STRADA: variants seen among roughly 807,000 people sequenced by gnomAD.
STRADA encodes the protein STE20-related kinase adapter protein alpha.
Under a neutral mutation model 55.0 loss-of-function variants are expected in STRADA, and 26 were observed. The observed-to-expected ratio is 0.47, with a 90% CI of 0.35 to 0.66. The LOEUF is 0.66. Among genes scored for constraint, STRADA ranks in the 30% least tolerant of loss-of-function variants. STRADA has a pLI of 0.01. For missense variants in STRADA, 443 were observed against 549.7 expected, an observed-to-expected ratio of 0.81 and a Z score of 1.94; for synonymous variants, 197 against 210.9, an observed-to-expected ratio of 0.93 and a Z score of 0.57.
chr17:63,720,108 A>AACTC (rs2037191485), intron 4 of STRADA, among the ~76,000 whole-genome samples: 1 of 151,406 alleles, frequency 6.6e-6, no homozygotes, highest in Admixed American at 6.6e-5. Context: ...TACAGCCTCG[A>AACTC]ACTCCAGGGC....
chr17:63,733,274 A>T (rs2038196102), intron 1 of STRADA, among the ~76,000 whole-genome samples: 1 of 152,224 alleles, frequency 6.6e-6, no homozygotes, highest in Admixed American at 6.5e-5. Flanking sequence ...CTCAATGTTC[A>T]CTACTAAATG....
chr17:63,704,232 C>T (rs2035913808), intron 11 of STRADA, 109 bp downstream of exon 11: 1 of 1,549,096 alleles, frequency 6.5e-7, no homozygotes, highest in East Asian at 2.4e-5. Flanking sequence ...GTGTGTAGCT[C>T]CAGATTCCCC....
intron 5 of STRADA, 47 bp downstream of exon 5, chr17:63,713,959 G>T: frequency 6.6e-7 from 1 of 1,507,770 alleles, no homozygotes. Flanking sequence ...AGCTGCAGCA[G>T]CCCCTGGAGC....
intron 4 of STRADA, among the ~76,000 whole-genome samples, chr17:63,721,446 C>T (rs964395279): frequency 4.8e-5 from 7 of 145,396 alleles, no homozygotes; most frequent in African/African-American, 7.6e-5. Flanking sequence ...TGACTGGGCA[C>T]GGTGGCTCAC....
intron 4 of STRADA, among the ~76,000 whole-genome samples, chr17:63,722,617 G>A (rs1372074129): frequency 2.6e-5 from 4 of 152,216 alleles, no homozygotes; most frequent in Admixed American, 6.5e-5. Flanking sequence ...TGCAGAAGCT[G>A]CAAATGTCTG....
At position 63,710,051 on chromosome 17, in the gene STRADA, T is replaced by C. The variant is rs535612926; in HGVS notation, c.581+440A>G. On this transcript the variant is annotated intron_variant, in intron 8 of 12. Coordinates refer to ENST00000336174, the MANE Select transcript of STRADA (RefSeq NM_001003787.4). The stretch of plus-strand genomic sequence containing the variant: ...TTCTCTCTTTTTTTTTTTTTTTTTT[T>C]CAGACAAGAGTCTCACTCTGCCACC... Among the ~76,000 whole-genome samples, 21 of 149,690 alleles carry C rather than the reference T, an allele frequency of 1.4e-4. No individual in the cohort carries two copies. In the South Asian group the frequency reaches 3.2e-3, roughly 23 times the overall value.
chr17:63,705,097 C>T (rs928582272), intron 10 of STRADA: 14 of 638,558 alleles, frequency 2.2e-5, no homozygotes, highest in East Asian at 2.2e-4. Context: ...AGTACCCCAA[C>T]TCAACACATA....
chr17:63,726,664 C>T lies in STRADA; in HGVS notation c.68G>A (p.Gly23Asp). 1.9e-6 allele frequency: 3 copies of T among 1,614,020 alleles called. No homozygotes were observed. Among genetic ancestry groups the T allele is most frequent in the Middle Eastern group, 1.7e-4 (1 of 6,060 alleles). The change falls in exon 3 of 13, where the codon GGC becomes GAC. Residue 23 changes from glycine to aspartate, a missense_variant. Gly to Asp is a moderately conservative substitution (Grantham distance 94). Transcript: ENST00000336174. ...RWVSEKFIVE[G>D]LRDLELFGEQ... ...TCCAAATAGTTCCAAATCTCTTAAG[C>T]CCTCAACAATGAACTTTTCCGAGAC...
chr17:63,707,145 C>A (rs1052373957), intron 9 of STRADA, 102 bp downstream of exon 9: 4 of 1,467,286 alleles, frequency 2.7e-6, no homozygotes, highest in Non-Finnish European at 3.7e-6. Context: ...AACCCCTTTA[C>A]CCCACTGGGA....
intron 1 of STRADA, among the ~76,000 whole-genome samples, chr17:63,735,866 AGCCCCTG>A (rs2038383362): frequency 6.6e-6 from 1 of 152,214 alleles, no homozygotes; most frequent in South Asian, 2.1e-4. Context: ...GCTGAAAACA[AGCCCCTG>A]GCGTAACTGC....
Position 63,710,522 on chromosome 17 carries a change from C to T in STRADA, c.550G>A (p.Asp184Asn), listed in dbSNP as rs200492727. Residue 184 changes from aspartate (D) to asparagine (N), a missense_variant, in exon 8 of 13, where the codon GAC becomes AAC. Physicochemically the swap from Asp to Asn is conservative, Grantham distance 23. Coordinates refer to ENST00000336174, the MANE Select transcript of STRADA (RefSeq NM_001003787.4). The part of the protein sequence containing the change: ...YILQGVLKAL[D>N]YIHHMGYVHR... The stretch of plus-strand genomic sequence containing the variant: ...ACATATCCCATGTGGTGGATGTAGT[C>T]GAGGGCCTTCAGCACCCCCTGCAGG... The T allele has an allele frequency of 4.3e-6, 7 of 1,613,768 alleles. No homozygotes were observed. Among genetic ancestry groups the T allele is most frequent in the African/African-American group, 1.3e-5 (1 of 74,898 alleles).
chr17:63,741,945 A>AG (rs1259498867), upstream of STRADA: 3 of 152,266 alleles, frequency 2.0e-5, no homozygotes, highest in East Asian at 5.8e-4. Context: ...CGGCTGCGGC[A>AG]GGCCCTAGCA....
chr17:63,707,897 AT>A (rs58463647), intron 8 of STRADA, among the ~76,000 whole-genome samples: 373 of 144,684 alleles, frequency 2.6e-3, no homozygotes, highest in Middle Eastern at 7.0e-3. Context: ...CGCCCGGCTA[AT>A]TTTTTTTTTT....
Position 63,710,494 on chromosome 17 carries a change from T to C in STRADA, c.578A>G (p.His193Arg). 1 of 1,613,594 alleles carries C rather than the reference T, an allele frequency of 6.2e-7. No homozygotes were observed. Among genetic ancestry groups the C allele is most frequent in the Non-Finnish European group, 8.5e-7 (1 of 1,179,868 alleles). Residue 193 changes from histidine (H) to arginine (R), a missense_variant, in exon 8 of 13, where the codon CAC becomes CGC. By Grantham distance (29) the His-to-Arg change is conservative. Transcript: ENST00000336174. The part of the protein sequence containing the change: ...LDYIHHMGYV[H>R]RSVKASHILI... ...GAAAGGCCGCCTAAGAACGCACCTG[T>C]GTACATATCCCATGTGGTGGATGTA...
At chr17:63,738,039 G>A (rs568263289) in intron 1 of STRADA, among the ~76,000 whole-genome samples, 3 of 150,820 alleles carry the variant, frequency 2.0e-5, no homozygotes, top group African/African-American at 4.9e-5. Context: ...GAAAAGAAAC[G>A]AAAAGAAAAA....
intron 1 of STRADA, among the ~76,000 whole-genome samples, chr17:63,730,739 T>G (rs577014486): frequency 6.6e-6 from 1 of 152,098 alleles, no homozygotes; most frequent in South Asian, 2.1e-4. Flanking sequence ...TTTTGTATTT[T>G]TAGTAGAGAC....
chr17:63,736,837 CG>C (rs113127449), intron 1 of STRADA, among the ~76,000 whole-genome samples: 34,122 of 103,754 alleles, frequency 0.33, 5,879 homozygotes, highest in African/African-American at 0.6. Flanking sequence ...CTTCCCCCCA[CG>C]CCCCCCCCAC....
chr17:63,741,445 GT>G lies in STRADA; in HGVS notation c.-45+295del, dbSNP rs1348941500. ...AGGACAAACCGGCACCCAGCCCTAG[GT>G]TCCCCACCTGGAAGTCCTAGGGGGT... On this transcript the variant is annotated intron_variant, in intron 1 of 12. Transcript: ENST00000336174. 3 of 152,372 alleles carry G rather than the reference GT, an allele frequency of 2.0e-5. No individual in the cohort carries two copies. In the East Asian group the frequency reaches 5.8e-4, roughly 29 times the overall value. The allele number at this position is 152,372 out of a possible 1,614,324, so 9.4% of individuals were successfully genotyped here.
rs2036689438 is a variant in STRADA at position 63,714,087 on chromosome 17, A to C, written c.145T>G (p.Ser49Ala). The change falls in exon 5 of 13, where the codon TCA (serine) becomes GCA (alanine). Residue 49 changes from serine (S) to alanine (A), a missense_variant. Transcript: ENST00000336174. ...RRKTNDASSE[S>A]IASFSKQEVM... ...TCCTGTTTAGAGAAGGATGCTATTG[A>C]CTCTGAGCTCGCATCATTGGTCTAA... 1 of 1,613,692 alleles carries C rather than the reference A, an allele frequency of 6.2e-7. No homozygotes were observed. Among genetic ancestry groups the C allele is most frequent in the African/African-American group, 1.3e-5 (1 of 74,944 alleles).
Sources: allele counts gnomAD v4.1 joint callset (sites outside exome capture counted in the v4.1 genomes callset), GRCh38; gene constraint gnomAD v4.1.1; transcripts MANE v1.5; gene names NCBI Gene and HGNC (gene_info 2026-07-23, HGNC 2026-07-21).